Variants in GPC5 observed in about 807,000 individuals in gnomAD.
GPC5 encodes glypican 5, also known as glypican-5.
In GPC5, 47 loss-of-function variants were observed where a neutral mutation model predicts 53.9. That is an observed-to-expected ratio of 0.87 (90% CI 0.69 to 1.11). GPC5 has a LOEUF of 1.11. GPC5 is among the 50% of genes most tolerant of loss of function. GPC5 has a pLI of 0.00. For missense variants in GPC5, 748 were observed against 713.1 expected (o/e 1.05, Z -0.56); for synonymous variants, 286 against 263.3 (o/e 1.09, Z -0.84).
chr13:92,091,327 A>G lies in GPC5; in HGVS notation c.1402-53503A>G, dbSNP rs72635466. Among the ~76,000 whole-genome samples, 907 of 152,272 alleles carry G rather than the reference A, an allele frequency of 6.0e-3. 7 individuals carry two copies. Among genetic ancestry groups the G allele is most frequent in the Middle Eastern group, 0.024 (7 of 294 alleles). Reference sequence around the variant, plus strand: ...AAAGATACAGATCCCAAACTCTATTATTTTTAATATTTCTTTTAAAAGTTC... The same window carrying G: ...AAAGATACAGATCCCAAACTCTATTGTTTTTAATATTTCTTTTAAAAGTTC... On this transcript the variant is annotated intron_variant, in intron 6 of 7. Transcript: ENST00000377067.
At chr13:91,786,291 G>A (rs1279606454) in intron 5 of GPC5, among the ~76,000 whole-genome samples, 1 of 152,138 alleles carries the variant, frequency 6.6e-6, no homozygotes, top group Non-Finnish European at 1.5e-5. Flanking sequence ...CACCACGCCT[G>A]GCCCAAAGTT....
intron 7 of GPC5, among the ~76,000 whole-genome samples, chr13:92,249,039 T>G (rs1453620227): frequency 6.6e-6 from 1 of 152,122 alleles, no homozygotes; most frequent in Non-Finnish European, 1.5e-5. Flanking sequence ...TTAAATTTTT[T>G]GTGGGTATAT....
intron 7 of GPC5, among the ~76,000 whole-genome samples, chr13:92,385,726 T>C (rs1874661756): frequency 6.9e-6 from 1 of 144,910 alleles, no homozygotes; most frequent in Non-Finnish European, 1.5e-5. Context: ...TATACATATA[T>C]ACATGTATAT....
chr13:91,631,294 G>T (rs1050790064), intron 2 of GPC5, among the ~76,000 whole-genome samples: 1 of 152,044 alleles, frequency 6.6e-6, no homozygotes, highest in African/African-American at 2.4e-5. Context: ...TAGGTTTAAT[G>T]ACATGGACCT....
At chr13:92,128,749 G>A (rs1485861281) in intron 6 of GPC5, among the ~76,000 whole-genome samples, 1 of 152,118 alleles carries the variant, frequency 6.6e-6, no homozygotes, top group Admixed American at 6.5e-5. Flanking sequence ...TGGATCACAA[G>A]GTCAGGAGAT....
intron 5 of GPC5, among the ~76,000 whole-genome samples, chr13:91,765,536 C>T (rs2037505536): frequency 6.6e-6 from 1 of 152,144 alleles, no homozygotes; most frequent in African/African-American, 2.4e-5. Flanking sequence ...AAACTAGTTT[C>T]CAAATTCAAG....
At chr13:92,195,030 A>G (rs1451648502) in intron 7 of GPC5, among the ~76,000 whole-genome samples, 1 of 152,238 alleles carries the variant, frequency 6.6e-6, no homozygotes, top group East Asian at 1.9e-4. Context: ...TTTGTATTAC[A>G]TTACAGATAT....
At chr13:91,947,100 T>C (rs2039981461) in intron 6 of GPC5, among the ~76,000 whole-genome samples, 1 of 152,210 alleles carries the variant, frequency 6.6e-6, no homozygotes, top group Non-Finnish European at 1.5e-5. Flanking sequence ...AACCCTTTAG[T>C]ATTAAAATGT....
intron 7 of GPC5, among the ~76,000 whole-genome samples, chr13:92,232,029 A>G (rs1163343987): frequency 6.6e-6 from 1 of 152,140 alleles, no homozygotes; most frequent in Non-Finnish European, 1.5e-5. Flanking sequence ...TGTGGCACCT[A>G]TCTTGTTCTT....
intron 7 of GPC5, among the ~76,000 whole-genome samples, chr13:92,418,258 T>A (rs559940602): frequency 1.3e-5 from 2 of 152,198 alleles, no homozygotes; most frequent in Non-Finnish European, 2.9e-5. Flanking sequence ...GCACAACTTT[T>A]TGAGTCCACT....
intron 7 of GPC5, among the ~76,000 whole-genome samples, chr13:92,295,191 G>A (rs966005390): frequency 6.6e-6 from 1 of 152,024 alleles, no homozygotes; most frequent in Non-Finnish European, 1.5e-5. Context: ...CCTTTGCTGT[G>A]TCCCAGAGGT....
chr13:92,528,509 G>C (rs1441805194), intron 7 of GPC5, among the ~76,000 whole-genome samples: 1 of 151,824 alleles, frequency 6.6e-6, no homozygotes, highest in Non-Finnish European at 1.5e-5. Context: ...TAGTATCTCT[G>C]TCTCTAAATG....
chr13:92,139,218 A>G (rs1252488530), intron 6 of GPC5, among the ~76,000 whole-genome samples: 7 of 152,196 alleles, frequency 4.6e-5, no homozygotes, highest in Admixed American at 3.3e-4. Flanking sequence ...CTAAATGTTT[A>G]CACTGTCTCT....
At chr13:91,895,942 G>T (rs2039436506) in intron 5 of GPC5, among the ~76,000 whole-genome samples, 2 of 151,908 alleles carry the variant, frequency 1.3e-5, no homozygotes, top group South Asian at 4.2e-4. Context: ...TTGAGCTCTG[G>T]CATTCCTGGG....
At chr13:91,761,090 T>A (rs2037400975) in intron 5 of GPC5, among the ~76,000 whole-genome samples, 1 of 152,160 alleles carries the variant, frequency 6.6e-6, no homozygotes, top group Non-Finnish European at 1.5e-5. Context: ...TCTCTGTGAT[T>A]GCAAATTGAT....
At chr13:92,813,005 A>ATT in intron 7 of GPC5, among the ~76,000 whole-genome samples, 1 of 152,074 alleles carries the variant, frequency 6.6e-6, no homozygotes, top group East Asian at 1.9e-4. Context: ...AATGAAGTGT[A>ATT]TTTTTTATCA....
At chr13:91,490,350 A>T (rs1883873570) in intron 2 of GPC5, among the ~76,000 whole-genome samples, 2 of 152,202 alleles carry the variant, frequency 1.3e-5, no homozygotes, top group Non-Finnish European at 2.9e-5. Flanking sequence ...CCACAGAGAA[A>T]TAAGAAATTT....
intron 7 of GPC5, among the ~76,000 whole-genome samples, chr13:92,309,768 T>G (rs2043133663): frequency 6.6e-6 from 1 of 152,236 alleles, no homozygotes; most frequent in South Asian, 2.1e-4. Context: ...TAAAATCTAT[T>G]ATCTGAGCAA....
chr13:92,562,267 G>A (rs1187170166), intron 7 of GPC5, among the ~76,000 whole-genome samples: 1 of 151,966 alleles, frequency 6.6e-6, no homozygotes, highest in Non-Finnish European at 1.5e-5. Flanking sequence ...TTTCGCCCAG[G>A]CACACCACCA....
Sources: gnomAD v4.1 joint callset for allele counts (sites outside exome capture counted in the v4.1 genomes callset) on GRCh38, gnomAD v4.1.1 for gene constraint, MANE v1.5 for transcripts, NCBI Gene and HGNC (gene_info 2026-07-23, HGNC 2026-07-21) for gene names.